CCSER1: variants seen among roughly 807,000 people sequenced by gnomAD.
CCSER1 encodes coiled-coil serine rich protein 1.
In CCSER1, 41 loss-of-function variants were observed where a neutral mutation model predicts 82.0. That is an observed-to-expected ratio of 0.50 (90% CI 0.39 to 0.65). The LOEUF (loss-of-function observed/expected upper bound fraction) is 0.65. Among genes scored for constraint, CCSER1 ranks in the 30% least tolerant of loss-of-function variants. The pLI is 0.00. For missense variants in CCSER1, 1,119 were observed against 1,064.2 expected (o/e 1.05, Z -0.72); for synonymous variants, 414 against 383.9 (o/e 1.08, Z -0.92).
intron 10 of CCSER1, among the ~76,000 whole-genome samples, chr4:91,202,812 C>CTCATATATATGTGTGCATATATATGTGTG (rs1553911607): frequency 1.3e-5 from 2 of 150,968 alleles, no homozygotes; most frequent in Non-Finnish European, 3.0e-5. Context: ...GATATACACA[C>CTCATATATATGTGTGCATATATATGTGTG]TGTCTTTTTA....
chr4:90,154,393 T>A (rs1669910555), intron 1 of CCSER1, among the ~76,000 whole-genome samples: 1 of 152,226 alleles, frequency 6.6e-6, no homozygotes, highest in African/African-American at 2.4e-5. Flanking sequence ...AACTTTTAAG[T>A]AGTTTTTTTG....
At chr4:90,613,376 G>A (rs1720612997) in intron 5 of CCSER1, among the ~76,000 whole-genome samples, 1 of 152,144 alleles carries the variant, frequency 6.6e-6, no homozygotes, top group Non-Finnish European at 1.5e-5. Context: ...AAAATTTCAA[G>A]ATGGTGACAG....
intron 10 of CCSER1, among the ~76,000 whole-genome samples, chr4:91,552,638 CA>C (rs375530935): frequency 3.3e-5 from 5 of 151,528 alleles, no homozygotes; most frequent in African/African-American, 1.2e-4. Flanking sequence ...GTGGAATGCT[CA>C]AAAGAGTGGA....
At chr4:90,330,789 G>C (rs1475935023) in intron 3 of CCSER1, among the ~76,000 whole-genome samples, 1 of 152,144 alleles carries the variant, frequency 6.6e-6, no homozygotes, top group African/African-American at 2.4e-5. Context: ...CTGGAAGCCT[G>C]TAAGGTCTGT....
Position 90,308,513 on chromosome 4 carries a change from G to A in CCSER1, c.229G>A (p.Glu77Lys). Residue 77 changes from glutamate to lysine, a missense_variant, in exon 2 of 11, where the codon GAG becomes AAG. Physicochemically the swap from Glu to Lys is moderately conservative, Grantham distance 56 (BLOSUM62 1). Coordinates refer to ENST00000509176, the MANE Select transcript of CCSER1 (RefSeq NM_001145065.2). Reference protein sequence around the residue: ...SISFHHKKGSEPKQEPTNQNL... With the variant: ...SISFHHKKGSKPKQEPTNQNL... The stretch of plus-strand genomic sequence containing the variant: ...TAGCTTCCACCATAAGAAGGGGAGT[G>A]AGCCTAAGCAAGAGCCTACCAACCA... The A allele has an allele frequency of 1.2e-6, 2 of 1,613,926 alleles. No individual in the cohort carries two copies. The highest frequency in any genetic ancestry group is 1.7e-6 in the Non-Finnish European group (2 of 1,179,866).
chr4:90,526,563 C>A (rs1773789416), intron 5 of CCSER1, among the ~76,000 whole-genome samples: 3 of 152,050 alleles, frequency 2.0e-5, no homozygotes, highest in East Asian at 3.9e-4. Flanking sequence ...CACCATCCCC[C>A]ACCTGTGTCT....
At chr4:91,147,760 T>C (rs1260937124) in intron 10 of CCSER1, among the ~76,000 whole-genome samples, 2 of 152,202 alleles carry the variant, frequency 1.3e-5, no homozygotes, top group African/African-American at 4.8e-5. Flanking sequence ...AATTAGGTAA[T>C]GTACCATGAA....
chr4:91,166,745 A>G (rs1732123137), intron 10 of CCSER1, among the ~76,000 whole-genome samples: 1 of 152,208 alleles, frequency 6.6e-6, no homozygotes, highest in Admixed American at 6.5e-5. Context: ...TAACCACAAA[A>G]CTAGCTCCAA....
intron 9 of CCSER1, among the ~76,000 whole-genome samples, chr4:91,014,807 TA>T (rs1339508714): frequency 6.6e-6 from 1 of 152,212 alleles, no homozygotes; most frequent in East Asian, 1.9e-4. Flanking sequence ...CATACTGTAA[TA>T]TTTTTTCTGT....
At chr4:90,271,558 A>G (rs1254482782) in intron 1 of CCSER1, among the ~76,000 whole-genome samples, 2 of 151,794 alleles carry the variant, frequency 1.3e-5, no homozygotes, top group African/African-American at 4.8e-5. Flanking sequence ...CTTTGGGGAA[A>G]CTCTTCAGGA....
At chr4:90,554,517 A>G (rs914716393) in intron 5 of CCSER1, among the ~76,000 whole-genome samples, 2 of 152,228 alleles carry the variant, frequency 1.3e-5, no homozygotes, top group South Asian at 4.1e-4. Context: ...TATCAATTAT[A>G]TATGAGTACA....
chr4:91,130,768 A>G (rs1431647742), intron 10 of CCSER1, among the ~76,000 whole-genome samples: 1 of 151,884 alleles, frequency 6.6e-6, no homozygotes, highest in Non-Finnish European at 1.5e-5. Flanking sequence ...CACTATCAGG[A>G]AGGAAATAAC....
At chr4:91,439,106 A>G (rs559326783) in intron 10 of CCSER1, among the ~76,000 whole-genome samples, 230 of 152,290 alleles carry the variant, frequency 1.5e-3, no homozygotes, top group African/African-American at 5.3e-3. Context: ...GCACGCCAAC[A>G]TTCAAATTCA....
In CCSER1 at chr4:90,803,054, C is replaced by T. The variant is rs1285885567; in HGVS notation, c.2011-12708C>T. ...TAAAGCCCTCCAGAGAGAAGACCAGCAGTCTACAAATACAAAGAAAGTCAT... is the reference window on the plus strand; with the variant it reads ...TAAAGCCCTCCAGAGAGAAGACCAGTAGTCTACAAATACAAAGAAAGTCAT... On this transcript the variant is annotated intron_variant, in intron 7 of 10. Coordinates refer to ENST00000509176, the MANE Select transcript of CCSER1 (RefSeq NM_001145065.2). Among the ~76,000 whole-genome samples the T allele has an allele frequency of 2.6e-5, 4 of 152,168 alleles. No homozygotes were observed. The East Asian group carries it at 7.7e-4, about 29-fold the overall frequency.
chr4:90,886,488 T>A (rs1460795142), intron 8 of CCSER1, among the ~76,000 whole-genome samples: 2 of 152,370 alleles, frequency 1.3e-5, no homozygotes, highest in South Asian at 2.1e-4. Flanking sequence ...CTTTGGCAGA[T>A]GTTAAGATAT....
intron 1 of CCSER1, among the ~76,000 whole-genome samples, chr4:90,130,873 C>T (rs1187798696): frequency 1.3e-5 from 2 of 152,104 alleles, no homozygotes; most frequent in African/African-American, 4.8e-5. Context: ...CAACCCGCCT[C>T]GGCCTCCTGT....
chr4:91,196,155 C>A (rs76725386), intron 10 of CCSER1, among the ~76,000 whole-genome samples: 24,752 of 148,488 alleles, frequency 0.17, 2,705 homozygotes, highest in Non-Finnish European at 0.24. Flanking sequence ...CCACAGCAGT[C>A]CGGCCTGGGC....
At chr4:90,589,367 AT>A (rs1426957855) in intron 5 of CCSER1, among the ~76,000 whole-genome samples, 1 of 151,924 alleles carries the variant, frequency 6.6e-6, no homozygotes, top group Non-Finnish European at 1.5e-5. Flanking sequence ...TAATTTATAG[AT>A]TTATTTGATT....
chr4:91,259,461 T>C (rs989015631), intron 10 of CCSER1, among the ~76,000 whole-genome samples: 18 of 152,150 alleles, frequency 1.2e-4, no homozygotes, highest in Admixed American at 4.6e-4. Context: ...TATATATATA[T>C]ACACACTTCT....
Sources: gnomAD v4.1 joint callset for allele counts (sites outside exome capture counted in the v4.1 genomes callset) on GRCh38, gnomAD v4.1.1 for gene constraint, MANE v1.5 for transcripts, NCBI Gene and HGNC (gene_info 2026-07-23, HGNC 2026-07-21) for gene names.